PLAC1: variants seen among roughly 807,000 people sequenced by gnomAD.
PLAC1 encodes the protein placenta-specific protein 1.
For missense variants in PLAC1, 136 were observed against 163.2 expected (o/e 0.83, Z 0.91); for synonymous variants, 68 against 62.1 (o/e 1.09, Z -0.44).
chrX:134,736,959 C>G (rs774658386), intron 1 of PLAC1, among the ~76,000 whole-genome samples: 58 of 112,468 alleles, frequency 5.2e-4, no homozygotes, highest in African/African-American at 1.8e-3. Flanking sequence ...ACTCCAGAAG[C>G]CAGTAAGTTG....
intron 1 of PLAC1, among the ~76,000 whole-genome samples, chrX:134,608,331 G>A (rs975805554): frequency 7.1e-5 from 8 of 112,263 alleles, no homozygotes; most frequent in African/African-American, 1.9e-4. Flanking sequence ...TCAGTACAAT[G>A]GAATATTATT....
At chrX:134,641,751 C>T (rs1237605867) in intron 1 of PLAC1, among the ~76,000 whole-genome samples, 1 of 112,168 alleles carries the variant, frequency 8.9e-6, no homozygotes, top group African/African-American at 3.2e-5. Flanking sequence ...TTCTGCTTTC[C>T]TTGGACCTGA....
chrX:134,693,273 A>G (rs1269298488), intron 2 of PLAC1, among the ~76,000 whole-genome samples: 1 of 111,220 alleles, frequency 9.0e-6, no homozygotes, highest in Admixed American at 9.6e-5. Flanking sequence ...TATCTCACCA[A>G]GTTCAAAAGT....
chrX:134,613,504 G>A (rs1262941958), intron 1 of PLAC1, among the ~76,000 whole-genome samples: 1 of 110,897 alleles, frequency 9.0e-6, no homozygotes, highest in Non-Finnish European at 1.9e-5. Context: ...GACCCTCTGT[G>A]ACTCCTTTGG....
chrX:134,645,934 T>C (rs2078330876), intron 1 of PLAC1, among the ~76,000 whole-genome samples: 1 of 111,688 alleles, frequency 9.0e-6, no homozygotes, highest in Non-Finnish European at 1.9e-5. Context: ...AAATCTTCCC[T>C]TTACATACGG....
chrX:134,743,448 C>T (rs2078721868), intron 1 of PLAC1, among the ~76,000 whole-genome samples: 1 of 110,117 alleles, frequency 9.1e-6, no homozygotes, highest in South Asian at 3.9e-4. Context: ...GCAGAAAATA[C>T]AGTCAATGCC....
intron 2 of PLAC1, among the ~76,000 whole-genome samples, chrX:134,681,436 A>C (rs1039024262): frequency 9.0e-6 from 1 of 111,535 alleles, no homozygotes; most frequent in South Asian, 3.8e-4. Context: ...CATTATATAC[A>C]CAGTCACGAC....
intron 2 of PLAC1, among the ~76,000 whole-genome samples, chrX:134,726,949 C>G (rs1286666924): frequency 9.0e-6 from 1 of 110,855 alleles, no homozygotes. Flanking sequence ...TTACCTACCT[C>G]CCTTTCCCCC....
intron 1 of PLAC1, chrX:134,607,365 T>C (rs903578547): frequency 1.5e-5 from 2 of 136,653 alleles, no homozygotes; most frequent in Non-Finnish European, 3.0e-5. Flanking sequence ...CAGTGTGCTG[T>C]TGGCATTATT....
At chrX:134,642,698 C>T (rs1326169006) in intron 1 of PLAC1, among the ~76,000 whole-genome samples, 1 of 111,196 alleles carries the variant, frequency 9.0e-6, no homozygotes, top group African/African-American at 3.3e-5. Flanking sequence ...ATATTCTAGA[C>T]AGATGAGCTT....
intron 2 of PLAC1, among the ~76,000 whole-genome samples, chrX:134,592,986 C>A (rs2078046669): frequency 9.0e-6 from 1 of 110,876 alleles, no homozygotes; most frequent in Non-Finnish European, 1.9e-5. Context: ...CTCAGCCTCC[C>A]AAAATGCTGG....
intron 2 of PLAC1, among the ~76,000 whole-genome samples, chrX:134,592,200 T>G (rs1166576844): frequency 2.7e-5 from 3 of 112,340 alleles, no homozygotes; most frequent in Non-Finnish European, 5.6e-5. Flanking sequence ...GTCTAAGACC[T>G]TTTTGCCTAA....
At chrX:134,698,988 T>C (rs1353847049) in intron 2 of PLAC1, among the ~76,000 whole-genome samples, 3 of 111,456 alleles carry the variant, frequency 2.7e-5, no homozygotes, top group South Asian at 7.7e-4. Context: ...TCAGCCTCCA[T>C]ATATTGAATC....
intron 2 of PLAC1, among the ~76,000 whole-genome samples, chrX:134,665,031 TA>T (rs34315244): frequency 8.9e-6 from 1 of 111,837 alleles, no homozygotes; most frequent in African/African-American, 3.3e-5. Context: ...GGTAGGTGCA[TA>T]AAGTGTATTA....
intron 1 of PLAC1, among the ~76,000 whole-genome samples, chrX:134,621,444 C>CAA (rs11317429): frequency 2.7e-4 from 9 of 33,861 alleles, no homozygotes; most frequent in Non-Finnish European, 3.4e-4. Context: ...GGCTCTGTCT[C>CAA]AAAAAAAAAA....
chrX:134,637,852 GA>G (rs938228356), intron 1 of PLAC1, among the ~76,000 whole-genome samples: 2 of 109,514 alleles, frequency 1.8e-5, no homozygotes, highest in African/African-American at 3.3e-5. Context: ...CATCTCAAAA[GA>G]AAAAAAAATT....
chrX:134,603,315 T>TA (rs2078105527), intron 1 of PLAC1, among the ~76,000 whole-genome samples: 1 of 8,567 alleles, frequency 1.2e-4, no homozygotes, highest in African/African-American at 5.0e-4. Flanking sequence ...ATATATATAT[T>TA]TTTTTTTTTT....
chrX:134,753,123 A>T (rs1460282574), intron 1 of PLAC1, among the ~76,000 whole-genome samples: 1 of 111,736 alleles, frequency 8.9e-6, no homozygotes, highest in Non-Finnish European at 1.9e-5. Context: ...TCTACCAAAC[A>T]GATTATGTTG....
chrX:134,592,720 C>CT (rs141372595), intron 2 of PLAC1, among the ~76,000 whole-genome samples: 1,062 of 61,356 alleles, frequency 0.017, 50 homozygotes, highest in African/African-American at 0.052. Flanking sequence ...CTCTGTGTCT[C>CT]TTTTTTTTTT....
Sources: gnomAD v4.1 joint callset for allele counts (sites outside exome capture counted in the v4.1 genomes callset) on GRCh38, gnomAD v4.1.1 for gene constraint, MANE v1.5 for transcripts, NCBI Gene and HGNC (gene_info 2026-07-23, HGNC 2026-07-21) for gene names.